Variants in KLHL13 observed in about 807,000 individuals in gnomAD.
KLHL13 encodes the protein kelch-like protein 13.
A neutral mutation model predicts 37.1 loss-of-function variants in KLHL13; 10 were observed. The ratio of observed to expected loss-of-function variants is 0.27; its 90% CI spans 0.17 to 0.46. KLHL13 has a LOEUF of 0.46. Ranked by LOEUF, KLHL13 falls within the 20% of genes least tolerant of loss-of-function variation. The pLI is 1.00. For missense variants in KLHL13, 360 were observed against 509.3 expected, an observed-to-expected ratio of 0.71 and a Z score of 2.82; for synonymous variants, 163 against 181.2, an observed-to-expected ratio of 0.90 and a Z score of 0.81.
intron 1 of KLHL13, among the ~76,000 whole-genome samples, chrX:118,034,275 C>T: frequency 9.6e-6 from 1 of 103,843 alleles, no homozygotes; most frequent in African/African-American, 3.8e-5. Flanking sequence ...CACCCCAAAT[C>T]AACAGAATAT....
At chrX:118,102,853 G>A (rs894969026) in intron 1 of KLHL13, among the ~76,000 whole-genome samples, 4 of 110,948 alleles carry the variant, frequency 3.6e-5, no homozygotes, top group Non-Finnish European at 7.5e-5. Flanking sequence ...AATAGTTTAT[G>A]AGTATAATGT....
At chrX:118,055,035 A>T (rs2054670142) in intron 1 of KLHL13, among the ~76,000 whole-genome samples, 1 of 111,547 alleles carries the variant, frequency 9.0e-6, no homozygotes, top group Non-Finnish European at 1.9e-5. Flanking sequence ...AAATCTTTCC[A>T]GCAGAAATCA....
chrX:117,992,671 T>C (rs1239874674), intron 1 of KLHL13, among the ~76,000 whole-genome samples: 1 of 110,386 alleles, frequency 9.1e-6, no homozygotes, highest in Non-Finnish European at 1.9e-5. Flanking sequence ...AGATTGTGGC[T>C]GCCTCTCTGT....
At chrX:118,108,365 T>G (rs1225812459) in intron 1 of KLHL13, among the ~76,000 whole-genome samples, 1 of 112,306 alleles carries the variant, frequency 8.9e-6, no homozygotes, top group Non-Finnish European at 1.9e-5. Flanking sequence ...AAAGTGGGAC[T>G]GCAATAATGA....
At chrX:117,898,756 G>A (rs775816820) in exon 7 of KLHL13, 2 of 621,909 alleles carry the variant, frequency 3.2e-6, no homozygotes, top group South Asian at 7.3e-5. Flanking sequence ...CAAACAAAGA[G>A]CACAAATAAC....
intron 1 of KLHL13, among the ~76,000 whole-genome samples, chrX:117,978,959 C>T (rs1418065821): frequency 9.0e-6 from 1 of 110,571 alleles, no homozygotes; most frequent in Non-Finnish European, 1.9e-5. Flanking sequence ...GAGACAGAGT[C>T]TCATTCTGTA....
intron 1 of KLHL13, among the ~76,000 whole-genome samples, chrX:118,097,946 T>A (rs1158967635): frequency 9.0e-6 from 1 of 111,630 alleles, no homozygotes; most frequent in East Asian, 2.8e-4. Flanking sequence ...GATTAAAGAC[T>A]TAAACGTTAG....
chrX:118,044,392 T>C (rs1293275705), intron 1 of KLHL13, among the ~76,000 whole-genome samples: 1 of 55,030 alleles, frequency 1.8e-5, no homozygotes, highest in Admixed American at 2.1e-4. Context: ...CAAAAATTAA[T>C]AAGAACCACA....
At chrX:118,059,268 TAAG>T (rs1353594171) in intron 1 of KLHL13, among the ~76,000 whole-genome samples, 1 of 111,870 alleles carries the variant, frequency 8.9e-6, no homozygotes, top group East Asian at 2.8e-4. Context: ...ACATTGATAT[TAAG>T]GAGATAAAAT....
chrX:118,056,011 A>C (rs1226623464), intron 1 of KLHL13, among the ~76,000 whole-genome samples: 1 of 111,705 alleles, frequency 9.0e-6, no homozygotes, highest in African/African-American at 3.3e-5. Flanking sequence ...GAAAGGAGGA[A>C]GTAAAACTAT....
At chrX:117,919,390 T>G (rs1931567354) in intron 4 of KLHL13, 131 bp downstream of exon 5, 1 of 540,521 alleles carries the variant, frequency 1.9e-6, no homozygotes, top group African/African-American at 2.4e-5. Context: ...TCACCTTGCT[T>G]ACAGACCACA....
At chrX:118,099,472 T>C (rs940690165) in intron 1 of KLHL13, among the ~76,000 whole-genome samples, 1 of 111,519 alleles carries the variant, frequency 9.0e-6, no homozygotes, top group Non-Finnish European at 1.9e-5. Flanking sequence ...AAGCCAGCCA[T>C]GGGTTAAAGC....
chrX:117,968,327 T>C (rs1300316077), intron 1 of KLHL13, among the ~76,000 whole-genome samples: 1 of 111,764 alleles, frequency 8.9e-6, no homozygotes, highest in East Asian at 2.8e-4. Context: ...AAGAAGGACA[T>C]GCAATGCCAT....
intron 1 of KLHL13, among the ~76,000 whole-genome samples, chrX:117,993,001 C>G (rs5956837): frequency 0.056 from 6,240 of 111,755 alleles, 420 homozygotes; most frequent in African/African-American, 0.19. Context: ...ACACAACCCA[C>G]GGAACATCAG....
chrX:117,932,992 G>A (rs781111081), intron 2 of KLHL13, among the ~76,000 whole-genome samples: 1 of 110,949 alleles, frequency 9.0e-6, no homozygotes, highest in Admixed American at 9.5e-5. Context: ...CCATATATCT[G>A]TTGGCCATTT....
At chrX:117,958,560 T>C (rs2147850256) in intron 1 of KLHL13, among the ~76,000 whole-genome samples, 1 of 109,542 alleles carries the variant, frequency 9.1e-6, no homozygotes, top group African/African-American at 3.3e-5. Context: ...TAAAAACTAT[T>C]CTCTAAATTC....
At position 118,111,628 on chromosome X, in the gene KLHL13, C is replaced by T. The variant is rs2055410473; in HGVS notation, c.-56+4880G>A. Among the ~76,000 whole-genome samples, 3 of 112,605 alleles carry T rather than the reference C, an allele frequency of 2.7e-5. No individual in the cohort carries two copies. The South Asian group carries it at 1.1e-3, about 41-fold the overall frequency. On this transcript the variant is annotated intron_variant, in intron 1 of 6. Coordinates refer to the KLHL13 transcript ENST00000371882. ...AAAAGTTAGGCCGGGAGCAGTGGCT[C>T]ACGCCTGTAATCCCAACACTTTGGG...
At chrX:118,002,322 C>T (rs2053930961) in intron 1 of KLHL13, among the ~76,000 whole-genome samples, 1 of 110,303 alleles carries the variant, frequency 9.1e-6, no homozygotes, top group African/African-American at 3.3e-5. Context: ...GGAGGCCAGG[C>T]GCGGTGGCTC....
chrX:117,946,325 G>A (rs985318888), intron 1 of KLHL13: 2 of 111,505 alleles, frequency 1.8e-5, no homozygotes, highest in African/African-American at 6.5e-5. Context: ...ATAAATACAG[G>A]CAATTCTGTA....
Sources: allele counts gnomAD v4.1 joint callset (sites outside exome capture counted in the v4.1 genomes callset), GRCh38; gene constraint gnomAD v4.1.1; transcripts MANE v1.5; gene names NCBI Gene and HGNC (gene_info 2026-07-23, HGNC 2026-07-21).